Variants in POU2AF2 observed in about 807,000 individuals in gnomAD.
POU2AF2 encodes POU domain class 2-associating factor 2.
At chr11:111,283,274 C>G in the POU2AF2 span, among the ~76,000 whole-genome samples, 1 of 151,930 alleles carries the variant, frequency 6.6e-6, no homozygotes, top group East Asian at 1.9e-4. Flanking sequence ...TGGTCTCAAT[C>G]TCTTGACCTC....
At chr11:111,271,943 G>A in the POU2AF2 span, among the ~76,000 whole-genome samples, 3 of 152,306 alleles carry the variant, frequency 2.0e-5, no homozygotes, top group Admixed American at 2.0e-4. Flanking sequence ...CTTGAACCCA[G>A]GAGGTGGAGG....
chr11:111,284,191 G>A, the POU2AF2 span: 16 of 1,614,190 alleles, frequency 9.9e-6, no homozygotes, highest in South Asian at 2.2e-5. Context: ...TGGGGAAGCC[G>A]TTTCCCTGTG....
chr11:111,260,873 T>C, the POU2AF2 span, among the ~76,000 whole-genome samples: 1 of 152,228 alleles, frequency 6.6e-6, no homozygotes, highest in East Asian at 1.9e-4. Context: ...CTTCAGGAAG[T>C]ATCTATTGGA....
At chr11:111,267,665 G>A in the POU2AF2 span, among the ~76,000 whole-genome samples, 1 of 152,168 alleles carries the variant, frequency 6.6e-6, no homozygotes, top group Non-Finnish European at 1.5e-5. Context: ...CCTGAGCCCA[G>A]TGAAACATAG....
chr11:111,259,324 T>C, the POU2AF2 span, among the ~76,000 whole-genome samples: 1 of 150,756 alleles, frequency 6.6e-6, no homozygotes, highest in East Asian at 1.9e-4. Context: ...TTTTTTTTTT[T>C]TTTTTGTCTG....
the POU2AF2 span, among the ~76,000 whole-genome samples, chr11:111,276,453 A>AAAAAAAAAAAAAAAAAAAT: frequency 1.6e-4 from 6 of 37,676 alleles, no homozygotes; most frequent in African/African-American, 5.8e-4. Flanking sequence ...AAAAAAAAAA[A>AAAAAAAAAAAAAAAAAAAT]ATATATATAT....
the POU2AF2 span, among the ~76,000 whole-genome samples, chr11:111,274,290 C>T: frequency 6.6e-6 from 1 of 152,246 alleles, no homozygotes; most frequent in South Asian, 2.1e-4. Flanking sequence ...TTATCACTGA[C>T]TTTTGTGTTT....
At chr11:111,266,542 C>T in the POU2AF2 span, among the ~76,000 whole-genome samples, 1 of 152,102 alleles carries the variant, frequency 6.6e-6, no homozygotes, top group Non-Finnish European at 1.5e-5. Context: ...CTGATGCTAA[C>T]GTTAATATTG....
At chr11:111,277,219 A>G in the POU2AF2 span, among the ~76,000 whole-genome samples, 1 of 152,386 alleles carries the variant, frequency 6.6e-6, no homozygotes, top group East Asian at 1.9e-4. Context: ...CAGAGAGTAC[A>G]ATTTCCACAG....
the POU2AF2 span, among the ~76,000 whole-genome samples, chr11:111,267,363 A>T: frequency 6.6e-6 from 1 of 152,072 alleles, no homozygotes; most frequent in African/African-American, 2.4e-5. Flanking sequence ...TCTGAGAGGA[A>T]ATCGCTTCCT....
chr11:111,271,603 T>G, the POU2AF2 span, among the ~76,000 whole-genome samples: 4 of 152,050 alleles, frequency 2.6e-5, no homozygotes, highest in Admixed American at 2.6e-4. Context: ...TTTTATTTTT[T>G]GTGGAGATGG....
chr11:111,253,144 A>T, the POU2AF2 span, among the ~76,000 whole-genome samples: 19 of 152,086 alleles, frequency 1.2e-4, no homozygotes, highest in East Asian at 3.5e-3. Context: ...TCTTCTTCAT[A>T]GGGTTCTCCT....
chr11:111,261,627 T>C, the POU2AF2 span, among the ~76,000 whole-genome samples: 1 of 152,118 alleles, frequency 6.6e-6, no homozygotes, highest in African/African-American at 2.4e-5. Flanking sequence ...GAATTGAAAC[T>C]GTTGGGGAGA....
At chr11:111,251,127 A>G in the POU2AF2 span, among the ~76,000 whole-genome samples, 2 of 152,170 alleles carry the variant, frequency 1.3e-5, no homozygotes, top group African/African-American at 4.8e-5. Context: ...AAACAGTTGG[A>G]AGGCTGCCAC....
the POU2AF2 span, among the ~76,000 whole-genome samples, chr11:111,260,958 G>T: frequency 6.6e-6 from 1 of 152,092 alleles, no homozygotes; most frequent in South Asian, 2.1e-4. Context: ...CATCTTTACC[G>T]CAGCTTCCCT....
At chr11:111,284,900 G>A in the POU2AF2 span, among the ~76,000 whole-genome samples, 2 of 152,250 alleles carry the variant, frequency 1.3e-5, no homozygotes, top group South Asian at 2.1e-4. Flanking sequence ...ATAAAGATCT[G>A]AAGATTGCTA....
chr11:111,268,477 T>TTTTTATTTTA, the POU2AF2 span, among the ~76,000 whole-genome samples: 603 of 77,488 alleles, frequency 7.8e-3, 28 homozygotes, highest in East Asian at 0.081. Flanking sequence ...CATTTTTCTT[T>TTTTTATTTTA]TTTTATTTTA....
the POU2AF2 span, among the ~76,000 whole-genome samples, chr11:111,262,752 T>C: frequency 1.3e-5 from 2 of 152,316 alleles, no homozygotes; most frequent in South Asian, 4.1e-4. Context: ...AGTTGGGCCA[T>C]GCGTCTAAGA....
At chr11:111,261,260 TACACACAC>T in the POU2AF2 span, among the ~76,000 whole-genome samples, 2,104 of 140,890 alleles carry the variant, frequency 0.015, 53 homozygotes, top group African/African-American at 0.048. Context: ...TAGTACCAAA[TACACACAC>T]ACACACACAC....
Sources: allele counts gnomAD v4.1 joint callset (sites outside exome capture counted in the v4.1 genomes callset), GRCh38; gene constraint gnomAD v4.1.1; transcripts MANE v1.5; gene names NCBI Gene and HGNC (gene_info 2026-07-23, HGNC 2026-07-21).